The following DLGAP2 variants were observed in gnomAD, a reference collection of about 807,000 sequenced individuals.
DLGAP2 encodes DLG associated protein 2, also known as disks large-associated protein 2.
A neutral mutation model predicts 100.3 loss-of-function variants in DLGAP2; 26 were observed. The observed-to-expected ratio is 0.26, with a 90% CI of 0.19 to 0.36. The LOEUF is 0.36. DLGAP2 is among the 10% of genes least tolerant of loss of function. DLGAP2 has a pLI of 1.00. For missense variants in DLGAP2, 1,858 were observed against 1,453.2 expected, an observed-to-expected ratio of 1.28 and a Z score of -4.53; for synonymous variants, 886 against 630.1, an observed-to-expected ratio of 1.41 and a Z score of -6.08.
At chr8:1,453,091 C>G in intron 3 of DLGAP2, among the ~76,000 whole-genome samples, 1 of 151,996 alleles carries the variant, frequency 6.6e-6, no homozygotes, top group Non-Finnish European at 1.5e-5. Flanking sequence ...GAAGAGAAAT[C>G]CCTTGTAGAG....
intron 3 of DLGAP2, among the ~76,000 whole-genome samples, chr8:1,294,240 C>A (rs1027941247): frequency 1.3e-5 from 2 of 152,184 alleles, no homozygotes; most frequent in Non-Finnish European, 2.9e-5. Context: ...ACAGGCCTTT[C>A]ACAAGAATTT....
At chr8:747,622 T>A (rs1820658430) in intron 1 of DLGAP2, among the ~76,000 whole-genome samples, 1 of 123,968 alleles carries the variant, frequency 8.1e-6, no homozygotes, top group African/African-American at 3.2e-5. Context: ...TGTGGCAGGA[T>A]TGGGTGCGGG....
chr8:1,614,110 G>T (rs191009794), intron 6 of DLGAP2, among the ~76,000 whole-genome samples: 1 of 152,130 alleles, frequency 6.6e-6, no homozygotes, highest in African/African-American at 2.4e-5. Flanking sequence ...TGGCTTCAGC[G>T]GTGACTGAGC....
intron 3 of DLGAP2, among the ~76,000 whole-genome samples, chr8:1,267,931 A>G (rs1393553253): frequency 2.0e-5 from 3 of 152,158 alleles, no homozygotes; most frequent in Non-Finnish European, 4.4e-5. Flanking sequence ...AGCTGGCTTC[A>G]TGGATGTCTG....
At chr8:1,059,336 G>A (rs549973892) in intron 2 of DLGAP2, among the ~76,000 whole-genome samples, 7 of 117,118 alleles carry the variant, frequency 6.0e-5, no homozygotes, top group African/African-American at 2.8e-4. Flanking sequence ...TGCCTTCTCC[G>A]TGGAGAAGGC....
chr8:1,348,070 G>A (rs1227416333), intron 3 of DLGAP2, among the ~76,000 whole-genome samples: 2 of 151,420 alleles, frequency 1.3e-5, no homozygotes, highest in Non-Finnish European at 2.9e-5. Flanking sequence ...CTGCTCTCAT[G>A]GTAACTGTCT....
chr8:773,142 C>G (rs564736354), intron 1 of DLGAP2, among the ~76,000 whole-genome samples: 1 of 152,302 alleles, frequency 6.6e-6, no homozygotes, highest in Admixed American at 6.5e-5. Context: ...TCTCACAGCT[C>G]TGGAGGCTGT....
intron 3 of DLGAP2, among the ~76,000 whole-genome samples, chr8:1,294,572 G>A (rs562462857): frequency 1.5e-4 from 23 of 152,310 alleles, no homozygotes; most frequent in East Asian, 9.6e-4. Flanking sequence ...CACCTGTGTC[G>A]TGGCATCACT....
intron 3 of DLGAP2, among the ~76,000 whole-genome samples, chr8:1,421,426 C>G (rs1372083785): frequency 6.6e-6 from 1 of 152,142 alleles, no homozygotes; most frequent in East Asian, 1.9e-4. Context: ...AACACCCACA[C>G]AAGAGACATG....
At chr8:827,797 G>C (rs544484963) in intron 1 of DLGAP2, among the ~76,000 whole-genome samples, 2 of 152,186 alleles carry the variant, frequency 1.3e-5, no homozygotes, top group African/African-American at 4.8e-5. Flanking sequence ...AAAAGAAACT[G>C]AGGACACATT....
At chr8:760,696 C>T (rs945184661) in intron 1 of DLGAP2, among the ~76,000 whole-genome samples, 1 of 152,172 alleles carries the variant, frequency 6.6e-6, no homozygotes, top group South Asian at 2.1e-4. Context: ...TCTAGAAACT[C>T]ACAAAGGTGT....
chr8:1,663,735 A>C (rs562287024), intron 8 of DLGAP2, among the ~76,000 whole-genome samples: 1 of 152,232 alleles, frequency 6.6e-6, no homozygotes, highest in Admixed American at 6.5e-5. Flanking sequence ...AACTGCAGGG[A>C]GTGGTAAAAA....
At position 1,170,999 on chromosome 8, in the gene DLGAP2, C is replaced by T. The variant is rs577260550; in HGVS notation, c.74-87852C>T. On this transcript the variant is annotated intron_variant, in intron 2 of 14. Transcript: ENST00000637795. ...TTAGGGTGTCAATTTTGGATCTTTCCTGCTTTCTCTTGTGGGCATTTAGTG... is the reference window on the plus strand; with the variant it reads ...TTAGGGTGTCAATTTTGGATCTTTCTTGCTTTCTCTTGTGGGCATTTAGTG... Among the ~76,000 whole-genome samples, 208 of 151,460 alleles carry T rather than the reference C, an allele frequency of 1.4e-3. 10 individuals are homozygous for T. In the South Asian group the frequency reaches 0.039, roughly 28 times the overall value.
intron 2 of DLGAP2, among the ~76,000 whole-genome samples, chr8:1,127,655 C>A (rs542466381): frequency 6.6e-6 from 1 of 152,320 alleles, no homozygotes; most frequent in East Asian, 1.9e-4. Flanking sequence ...CTTTCCCTGT[C>A]CCTGTGCAGA....
chr8:1,547,929 T>C (rs905055484), intron 4 of DLGAP2, among the ~76,000 whole-genome samples: 6 of 152,234 alleles, frequency 3.9e-5, no homozygotes, highest in Non-Finnish European at 8.8e-5. Flanking sequence ...ATGAGCTTAC[T>C]AGACAATATC....
intron 2 of DLGAP2, among the ~76,000 whole-genome samples, chr8:1,083,460 G>A (rs934812135): frequency 6.6e-6 from 1 of 152,168 alleles, no homozygotes. Flanking sequence ...CTTTTATGAC[G>A]TTCGAGTTTG....
At chr8:742,607 C>T (rs1454574595) in intron 1 of DLGAP2, among the ~76,000 whole-genome samples, 8 of 152,210 alleles carry the variant, frequency 5.3e-5, no homozygotes, top group Admixed American at 1.3e-4. Flanking sequence ...CTCCTGGGCA[C>T]GAGTGATCCT....
At chr8:1,510,391 A>T (rs915796622) in intron 4 of DLGAP2, among the ~76,000 whole-genome samples, 2 of 152,188 alleles carry the variant, frequency 1.3e-5, no homozygotes, top group African/African-American at 4.8e-5. Flanking sequence ...TGCGTGACGA[A>T]CGTATTGTTG....
chr8:1,213,120 GAA>G (rs1301730981), intron 2 of DLGAP2, among the ~76,000 whole-genome samples: 4 of 152,116 alleles, frequency 2.6e-5, no homozygotes, highest in African/African-American at 9.7e-5. Context: ...GGTTTTCCTA[GAA>G]AGAGAATCAC....
Sources: gnomAD v4.1 joint callset for allele counts (sites outside exome capture counted in the v4.1 genomes callset) on GRCh38, gnomAD v4.1.1 for gene constraint, MANE v1.5 for transcripts, NCBI Gene and HGNC (gene_info 2026-07-23, HGNC 2026-07-21) for gene names.